Variants in CFAP57 observed in about 807,000 individuals in gnomAD.
The protein encoded by CFAP57 is cilia- and flagella-associated protein 57.
CFAP57 carries 116 observed loss-of-function variants against 146.8 expected under a neutral mutation model. The ratio of observed to expected loss-of-function variants is 0.79; its 90% CI spans 0.68 to 0.92. The LOEUF (loss-of-function observed/expected upper bound fraction) is 0.92. Ranked by LOEUF, CFAP57 falls within the 40% of genes least tolerant of loss-of-function variation. CFAP57 has a pLI of 0.00. For synonymous variants in CFAP57, 518 were observed against 552.8 expected (o/e 0.94, Z 0.88); for missense variants, 1,377 against 1,527.2 (o/e 0.90, Z 1.64).
In CFAP57 at chr1:43,201,430, A is replaced by G. The variant is rs532863765; in HGVS notation, c.1542+1927A>G. Among the ~76,000 whole-genome samples the G allele has an allele frequency of 1.3e-5, 2 of 152,330 alleles. No homozygotes were observed. The highest frequency in any genetic ancestry group is 4.8e-5 in the African/African-American group (2 of 41,568). ...GACCGTTGACTTTAGCAAATAACAGATCATTGGAAGGAAAAGTAAAAATGT... is the reference window on the plus strand; with the variant it reads ...GACCGTTGACTTTAGCAAATAACAGGTCATTGGAAGGAAAAGTAAAAATGT... On this transcript the variant is annotated intron_variant, in intron 9 of 22. Transcript: ENST00000372492. The surrounding 1 kb of genome is among the most constrained non-coding windows in gnomAD (Gnocchi z 4.4).
chr1:43,221,274 T>G, intron 13 of CFAP57, 98 bp from the exon 14 acceptor site: 8 of 790,166 alleles, frequency 1.0e-5, no homozygotes, highest in Non-Finnish European at 1.6e-5. Context: ...TTGAGAAATG[T>G]TTGTGAGTGA....
rs1645463699 is a variant in CFAP57, at chr1:43,231,480, C to G, written c.3010-1028C>G. On this transcript the variant is annotated intron_variant, in intron 18 of 22. Transcript: ENST00000372492. ...AGTTAGGTCAATGAAAGCTCATGCA[C>G]AGCTAGTCTCATCCTAATTGGACAC... 2.0e-5 allele frequency among the ~76,000 whole-genome samples: 3 copies of G among 152,178 alleles called. No homozygotes were observed. In the South Asian group the frequency reaches 6.2e-4, roughly 31 times the overall value.
At position 43,224,105 on chromosome 1, in the gene CFAP57, A is replaced by G. The variant is rs1645151944; in HGVS notation, c.2766A>G (p.Gly922=). The G allele has an allele frequency of 6.4e-7, 1 of 1,550,582 alleles. No individual in the cohort carries two copies. Among genetic ancestry groups the G allele is most frequent in the Non-Finnish European group, 8.7e-7 (1 of 1,146,962 alleles). Residue 922 remains glycine (G), a synonymous_variant, in exon 17 of 23, where the codon GGA becomes GGG. Transcript: ENST00000372492. ...ERTNDIETLK[G]EQMKLQGVIK... ...CCAATGACATCGAGACCCTAAAAGG[A>G]GAGCAGATGAAGCTGCAAGGAGTCA...
rs371337441 is a variant in CFAP57 at position 43,172,373 on chromosome 1, A to G, written c.-100A>G. On this transcript the variant is annotated 5_prime_UTR_variant, in exon 1 of 23. Transcript: ENST00000372492. Reference sequence around the variant, plus strand: ...CTATAGGAACCGCTACGGCGTTTGAAAGTGTCCGGGTTGCTTAGGATCCCT... The same window carrying G: ...CTATAGGAACCGCTACGGCGTTTGAGAGTGTCCGGGTTGCTTAGGATCCCT... 207 of 1,551,466 alleles carry G rather than the reference A, an allele frequency of 1.3e-4. No individual in the cohort carries two copies. The African/African-American group carries it at 2.4e-3, about 18-fold the overall frequency.
At chr1:43,230,388 C>T (rs1645420549) in intron 18 of CFAP57, among the ~76,000 whole-genome samples, 2 of 152,210 alleles carry the variant, frequency 1.3e-5, no homozygotes, top group South Asian at 4.1e-4. Context: ...ACCTCTGCAT[C>T]AGGCCCTCTA....
intron 14 of CFAP57, 134 bp from the exon 15 acceptor site, chr1:43,221,971 G>C (rs1645063508): frequency 1.5e-6 from 1 of 678,316 alleles, no homozygotes; most frequent in Admixed American, 3.7e-5. Context: ...AGCTAGGCAG[G>C]CATTTGAATC....
intron 18 of CFAP57, among the ~76,000 whole-genome samples, chr1:43,229,682 T>C (rs1645392814): frequency 6.7e-6 from 1 of 148,550 alleles, no homozygotes; most frequent in Admixed American, 6.6e-5. Context: ...AGGCTTGTCG[T>C]TTTAGTTTAC....
rs767584684 is a variant in CFAP57 at position 43,172,330 on chromosome 1, A to T, written c.-143A>T. 6.4e-7 allele frequency: 1 copy of T among 1,551,542 alleles called. No homozygotes were observed. Among genetic ancestry groups the T allele is most frequent in the South Asian group, 1.2e-5 (1 of 84,060 alleles). ...ACTTCCGCTTCCGGCGGCAAACCAT[A>T]CTTCCGGTTTGTCGTTGCTATAGGA... On this transcript the variant is annotated 5_prime_UTR_variant, in exon 1 of 23. Transcript: ENST00000372492.
intron 14 of CFAP57, 88 bp from the exon 15 acceptor site, chr1:43,222,017 A>C: frequency 8.5e-7 from 1 of 1,170,894 alleles, no homozygotes; most frequent in South Asian, 2.3e-5. Flanking sequence ...CTGGTGCTGG[A>C]AGGGATGGGA....
chr1:43,172,356 A>T lies in CFAP57; in HGVS notation c.-117A>T, dbSNP rs1340174372. ...CTTCCGGTTTGTCGTTGCTATAGGA[A>T]CCGCTACGGCGTTTGAAAGTGTCCG... On this transcript the variant is annotated 5_prime_UTR_variant, in exon 1 of 23. Transcript: ENST00000372492. 7.7e-6 allele frequency: 12 copies of T among 1,551,396 alleles called. No individual in the cohort carries two copies. In the South Asian group the frequency reaches 1.4e-4, roughly 18 times the overall value.
chr1:43,233,273 G>A (rs1308419758), intron 19 of CFAP57, among the ~76,000 whole-genome samples: 4 of 152,142 alleles, frequency 2.6e-5, no homozygotes, highest in East Asian at 1.9e-4. Context: ...GGTGGATCAC[G>A]AGGTCAGGAG....
intron 22 of CFAP57, among the ~76,000 whole-genome samples, chr1:43,247,459 T>G (rs1298131142): frequency 6.6e-6 from 1 of 152,198 alleles, no homozygotes. Context: ...GCCAGCACTA[T>G]TGATGCAAAA....
At chr1:43,229,771 C>T (rs1442636039) in intron 18 of CFAP57, among the ~76,000 whole-genome samples, 1 of 149,270 alleles carries the variant, frequency 6.7e-6, no homozygotes, top group African/African-American at 2.5e-5. Flanking sequence ...CATGGAGGGT[C>T]TGTCCTGTAT....
chr1:43,221,486 C>T (rs1212643417), intron 14 of CFAP57, 21 bp downstream of exon 14: 1 of 1,474,932 alleles, frequency 6.8e-7, no homozygotes, highest in East Asian at 2.5e-5. Context: ...AAGTAGAGGC[C>T]TCGTTGGTTA....
chr1:43,200,874 GA>G (rs1215751015), intron 9 of CFAP57, among the ~76,000 whole-genome samples: 4 of 152,228 alleles, frequency 2.6e-5, no homozygotes, highest in Non-Finnish European at 4.4e-5. Flanking sequence ...ATTTAAGCAA[GA>G]AAGTAATGGG....
At chr1:43,207,076 C>G in intron 10 of CFAP57, 144 bp downstream of exon 10, 2 of 795,058 alleles carry the variant, frequency 2.5e-6, no homozygotes, top group East Asian at 5.4e-5. Flanking sequence ...GCTCCTCATT[C>G]CTTTTAGATT....
At chr1:43,197,150 G>A (rs10158221) in intron 6 of CFAP57, among the ~76,000 whole-genome samples, 23,744 of 151,936 alleles carry the variant, frequency 0.16, 2,835 homozygotes, top group African/African-American at 0.31. Context: ...TCAGGAGATC[G>A]AGACCATCCT....
rs60189164 is a variant in CFAP57, at chr1:43,249,421, C to CTTTTTTT, written c.3539-4536_3539-4530dup. On this transcript the variant is annotated intron_variant, in intron 22 of 22. Coordinates refer to ENST00000372492, the MANE Select transcript of CFAP57 (RefSeq NM_001378189.1). ...TTAGTTATTTCCTTCTTAACCATTTCTTTTTTTTTTTTTTTTTTTTTTTTT... is the reference window on the plus strand; with the variant it reads ...TTAGTTATTTCCTTCTTAACCATTTCTTTTTTTTTTTTTTTTTTTTTTTTTTTTTTTT... 2.7e-4 allele frequency among the ~76,000 whole-genome samples: 18 copies of CTTTTTTT among 67,924 alleles called. 2 individuals carry two copies. Among genetic ancestry groups the CTTTTTTT allele is most frequent in the East Asian group, 5.3e-4 (1 of 1,880 alleles). The allele number at this position is 67,924 out of a possible 152,430, so 44.6% of individuals were successfully genotyped here.
intron 11 of CFAP57, chr1:43,210,320 A>G (rs972310782): frequency 1.5e-5 from 21 of 1,408,924 alleles, no homozygotes; most frequent in Middle Eastern, 5.3e-4. Context: ...ACAAAAGGCC[A>G]CCCCAGGGGC....
Sources: gnomAD v4.1 joint callset for allele counts (sites outside exome capture counted in the v4.1 genomes callset) on GRCh38, gnomAD v4.1.1 for gene constraint, Gnocchi (gnomAD v3.1) non-coding constraint, MANE v1.5 for transcripts, NCBI Gene and HGNC (gene_info 2026-07-23, HGNC 2026-07-21) for gene names.